Variants in RMST observed in about 807,000 individuals in gnomAD.
The protein encoded by RMST is long intergenic non-protein coding RNA 54.
intron 10 of RMST, among the ~76,000 whole-genome samples, chr12:97,512,437 A>G (rs965354471): frequency 2.0e-5 from 3 of 152,162 alleles, no homozygotes; most frequent in Non-Finnish European, 4.4e-5. Flanking sequence ...CCCCACCCAC[A>G]TCCTGCTGAT....
intron 10 of RMST, among the ~76,000 whole-genome samples, chr12:97,511,337 C>T (rs1044020637): frequency 6.6e-6 from 1 of 151,876 alleles, no homozygotes; most frequent in Non-Finnish European, 1.5e-5. Context: ...TTAGTAGACA[C>T]GGGGTTTCAC....
intron 10 of RMST, among the ~76,000 whole-genome samples, chr12:97,515,913 A>G (rs959703275): frequency 2.0e-5 from 3 of 152,082 alleles, no homozygotes. Flanking sequence ...TTTTTAATCT[A>G]TGATTGTGCT....
intron 10 of RMST, among the ~76,000 whole-genome samples, chr12:97,503,426 C>T (rs1422548095): frequency 6.6e-6 from 1 of 150,504 alleles, no homozygotes; most frequent in Non-Finnish European, 1.5e-5. Context: ...AAAACACTCC[C>T]TTTCTATTAT....
At chr12:97,531,347 G>C (rs557290262) in intron 11 of RMST, among the ~76,000 whole-genome samples, 3 of 151,952 alleles carry the variant, frequency 2.0e-5, no homozygotes, top group Non-Finnish European at 4.4e-5. Context: ...GACTTAAGTC[G>C]CACAACATAA....
chr12:97,484,678 A>G (rs1237983723), intron 5 of RMST, among the ~76,000 whole-genome samples: 6 of 152,230 alleles, frequency 3.9e-5, no homozygotes, highest in Non-Finnish European at 7.3e-5. Flanking sequence ...TGATGAAGGA[A>G]TAAATGTAAC....
exon 14 of RMST, chr12:97,564,259 A>G (rs1424748611): frequency 1.1e-5 from 2 of 175,300 alleles, no homozygotes; most frequent in East Asian, 3.1e-4. Context: ...AACAAAGAAG[A>G]AATAGACAAA....
At chr12:97,543,700 C>T (rs1008184426) in intron 11 of RMST, among the ~76,000 whole-genome samples, 1 of 151,908 alleles carries the variant, frequency 6.6e-6, no homozygotes, top group Non-Finnish European at 1.5e-5. Context: ...TTCTGACAAA[C>T]CTTTGAGGTG....
chr12:97,497,679 A>G (rs1189934727), intron 10 of RMST, among the ~76,000 whole-genome samples: 1 of 143,082 alleles, frequency 7.0e-6, no homozygotes, highest in Non-Finnish European at 1.5e-5. Context: ...CACAAGGATG[A>G]TTTTTTTTTT....
intron 11 of RMST, among the ~76,000 whole-genome samples, chr12:97,551,624 T>C (rs1883319093): frequency 6.6e-6 from 1 of 152,182 alleles, no homozygotes; most frequent in South Asian, 2.1e-4. Context: ...CTCATAACTT[T>C]CTTTTGGGGA....
intron 11 of RMST, among the ~76,000 whole-genome samples, chr12:97,536,755 A>C (rs1882107786): frequency 6.6e-6 from 1 of 151,530 alleles, no homozygotes; most frequent in African/African-American, 2.4e-5. Flanking sequence ...TATATTATAC[A>C]CAAATAATCT....
At chr12:97,492,263 A>G (rs897298830) in intron 5 of RMST, among the ~76,000 whole-genome samples, 16 of 152,242 alleles carry the variant, frequency 1.1e-4, no homozygotes, top group Non-Finnish European at 7.3e-5. Context: ...TATATCTGTC[A>G]GATCTTAACA....
At chr12:97,513,618 C>T (rs1440468745) in intron 10 of RMST, among the ~76,000 whole-genome samples, 2 of 152,162 alleles carry the variant, frequency 1.3e-5, no homozygotes, top group Non-Finnish European at 2.9e-5. Flanking sequence ...AGGGAATTAG[C>T]TCTTATATTA....
chr12:97,538,085 G>T (rs1009786832), intron 11 of RMST, among the ~76,000 whole-genome samples: 2 of 151,318 alleles, frequency 1.3e-5, no homozygotes, highest in Admixed American at 1.3e-4. Flanking sequence ...TCAAATAATA[G>T]AAAGGTTAGT....
intron 11 of RMST, among the ~76,000 whole-genome samples, chr12:97,545,647 T>G (rs1399314933): frequency 6.6e-6 from 1 of 152,090 alleles, no homozygotes; most frequent in African/African-American, 2.4e-5. Flanking sequence ...TTCTAGCAAG[T>G]AGAAATGCAA....
At chr12:97,466,145 T>C (rs1237215188) in intron 5 of RMST, among the ~76,000 whole-genome samples, 1 of 152,210 alleles carries the variant, frequency 6.6e-6, no homozygotes, top group Admixed American at 6.5e-5. Context: ...AAGGAGCCAA[T>C]AAGCATGCCT....
Position 97,483,831 on chromosome 12 carries a change from G to A in RMST, n.645-8630G>A, listed in dbSNP as rs543947741. 4.6e-5 allele frequency among the ~76,000 whole-genome samples: 7 copies of A among 152,188 alleles called. No individual in the cohort carries two copies. In the South Asian group the frequency reaches 1.2e-3, roughly 27 times the overall value. ...CTATGTGTGTATGTAAAGCCCAAGT[G>A]GGACAATATTATACTTAACGTTCTA... is the stretch of plus-strand genomic sequence containing the variant. On this transcript the variant is annotated intron_variant and non_coding_transcript_variant, in intron 5 of 13. Transcript: ENST00000640149.
At chr12:97,480,850 G>A (rs1875192188) in intron 5 of RMST, among the ~76,000 whole-genome samples, 1 of 152,216 alleles carries the variant, frequency 6.6e-6, no homozygotes, top group East Asian at 1.9e-4. Flanking sequence ...CAACACAAGT[G>A]TGTCACCTCC....
intron 13 of RMST, among the ~76,000 whole-genome samples, chr12:97,561,436 G>T (rs1357895760): frequency 6.6e-6 from 1 of 151,982 alleles, no homozygotes; most frequent in East Asian, 1.9e-4. Flanking sequence ...TGTGGTCCCA[G>T]GCTTTCATTT....
chr12:97,490,124 A>G (rs1876608430), intron 5 of RMST, among the ~76,000 whole-genome samples: 1 of 152,186 alleles, frequency 6.6e-6, no homozygotes, highest in African/African-American at 2.4e-5. Context: ...ATCCTGAATG[A>G]GATTTAGAAG....
Sources: allele counts gnomAD v4.1 joint callset (sites outside exome capture counted in the v4.1 genomes callset), GRCh38; gene constraint gnomAD v4.1.1; transcripts MANE v1.5; gene names NCBI Gene and HGNC (gene_info 2026-07-23, HGNC 2026-07-21).